LARGE1: variants seen among roughly 807,000 people sequenced by gnomAD.
LARGE1 encodes LARGE xylosyl- and glucuronyltransferase 1.
In LARGE1, 43 loss-of-function variants were observed where a neutral mutation model predicts 87.6. The ratio of observed to expected loss-of-function variants is 0.49; its 90% CI spans 0.38 to 0.63. The LOEUF (loss-of-function observed/expected upper bound fraction) is 0.63, where lower values mean the gene tolerates loss of function less well. Ranked by LOEUF, LARGE1 falls within the 30% of genes least tolerant of loss-of-function variation. The pLI is 0.00. For synonymous variants in LARGE1, 434 were observed against 394.6 expected, an observed-to-expected ratio of 1.10 and a Z score of -1.18; for missense variants, 802 against 1,000.2, an observed-to-expected ratio of 0.80 and a Z score of 2.67.
rs2147722528 is a variant in LARGE1 at position 33,432,213 on chromosome 22, G to A, written c.840C>T (p.Asn280=). 6.2e-7 allele frequency: 1 copy of A among 1,614,162 alleles called. No homozygotes were observed. The highest frequency in any genetic ancestry group is 1.1e-5 in the South Asian group (1 of 91,084). Residue 280 remains asparagine, a synonymous_variant, in exon 7 of 15, where the codon AAC becomes AAT. Transcript: ENST00000397394. The part of the protein sequence containing the change: ...VENQSDWYLG[N]LWKNHRPWPA... ...GCCATGGGCGGTGATTTTTCCACAG[G>A]TTTCCAAGGTACCAGTCACTCTGGT...
intron 2 of LARGE1, among the ~76,000 whole-genome samples, chr22:33,728,400 A>ATTTTTGTAATC (rs2083337375): frequency 6.6e-6 from 1 of 151,758 alleles, no homozygotes; most frequent in Non-Finnish European, 1.5e-5. Flanking sequence ...TTAGCCAGGC[A>ATTTTTGTAATC]CGGGGGTGCA....
chr22:33,147,091 T>C, the LARGE1 span, among the ~76,000 whole-genome samples: 1 of 152,226 alleles, frequency 6.6e-6, no homozygotes, highest in African/African-American at 2.4e-5. Flanking sequence ...TATTTCATTG[T>C]ATGGAGATGT....
At chr22:33,908,381 C>A (rs2065519870) in intron 1 of LARGE1, among the ~76,000 whole-genome samples, 1 of 152,088 alleles carries the variant, frequency 6.6e-6, no homozygotes, top group Admixed American at 6.6e-5. Context: ...GCAGGACTAC[C>A]TGAGCTGGGT....
At chr22:33,712,836 T>C (rs1211677182) in intron 2 of LARGE1, among the ~76,000 whole-genome samples, 2 of 152,290 alleles carry the variant, frequency 1.3e-5, no homozygotes, top group East Asian at 1.9e-4. Context: ...ATTTAAATTA[T>C]GTTTCCATGG....
chr22:33,330,635 T>G (rs1442372524), intron 10 of LARGE1, among the ~76,000 whole-genome samples: 1 of 152,142 alleles, frequency 6.6e-6, no homozygotes, highest in Non-Finnish European at 1.5e-5. Flanking sequence ...CATAAAGAAT[T>G]TACAAGTTCC....
At chr22:33,876,094 T>G (rs1005321217) in intron 1 of LARGE1, among the ~76,000 whole-genome samples, 3 of 152,200 alleles carry the variant, frequency 2.0e-5, no homozygotes, top group Non-Finnish European at 4.4e-5. Context: ...GCATGTAATT[T>G]CTGTGTCTGA....
intron 1 of LARGE1, among the ~76,000 whole-genome samples, chr22:33,794,090 T>A (rs540004541): frequency 8.5e-5 from 13 of 152,276 alleles, no homozygotes; most frequent in African/African-American, 3.1e-4. Context: ...TTATGCTAGA[T>A]GGGATGCCCA....
At chr22:33,335,064 AC>A (rs1397657629) in intron 10 of LARGE1, among the ~76,000 whole-genome samples, 1 of 152,220 alleles carries the variant, frequency 6.6e-6, no homozygotes, top group African/African-American at 2.4e-5. Flanking sequence ...CAAATGATTA[AC>A]TGACGGCTTC....
chr22:33,251,337 C>G (rs1927002296), intron 11 of LARGE1, among the ~76,000 whole-genome samples: 1 of 152,140 alleles, frequency 6.6e-6, no homozygotes. Flanking sequence ...TGAAACACAC[C>G]TGTACTTAAC....
intron 1 of LARGE1, among the ~76,000 whole-genome samples, chr22:33,871,430 C>T (rs1021912868): frequency 6.6e-6 from 1 of 152,186 alleles, no homozygotes; most frequent in Admixed American, 6.5e-5. Context: ...CTGCCAGGTG[C>T]TCCATCTGGA....
chr22:33,387,556 A>G (rs376918301), intron 7 of LARGE1, among the ~76,000 whole-genome samples: 29 of 152,056 alleles, frequency 1.9e-4, no homozygotes, highest in Middle Eastern at 3.4e-3. Context: ...ACTAGAAACA[A>G]TGATGAAATA....
chr22:33,251,566 A>C (rs1484311147), intron 11 of LARGE1, among the ~76,000 whole-genome samples: 2 of 152,212 alleles, frequency 1.3e-5, no homozygotes, highest in Non-Finnish European at 2.9e-5. Flanking sequence ...AGATGTGTTA[A>C]ACTTATCAAT....
At chr22:33,306,210 A>G (rs1369682200) in intron 11 of LARGE1, among the ~76,000 whole-genome samples, 4 of 152,142 alleles carry the variant, frequency 2.6e-5, no homozygotes, top group Non-Finnish European at 4.4e-5. Context: ...ACTTTGTACT[A>G]GACTTCTGCT....
chr22:33,137,896 T>C, the LARGE1 span, among the ~76,000 whole-genome samples: 64,103 of 151,968 alleles, frequency 0.42, 13,956 homozygotes, highest in South Asian at 0.68. Flanking sequence ...GCTGTAGGGG[T>C]GGGGTCCTCA....
At chr22:33,321,598 T>C (rs16992133) in intron 10 of LARGE1, among the ~76,000 whole-genome samples, 7,437 of 152,266 alleles carry the variant, frequency 0.049, 322 homozygotes, top group African/African-American at 0.13. Context: ...TGTTTTAATA[T>C]GCTCAGAAGA....
In LARGE1 at chr22:33,867,901, G is replaced by A. The variant is rs374657324; in HGVS notation, c.-83+52094C>T. On this transcript the variant is annotated intron_variant, in intron 1 of 14. Coordinates refer to ENST00000397394, the MANE Select transcript of LARGE1 (RefSeq NM_133642.5). ...GACAAGAAGAGGAGATGCAGCTCAAGTACCAGTTCGGTCACTATCTATCGG... is the reference window on the plus strand; with the variant it reads ...GACAAGAAGAGGAGATGCAGCTCAAATACCAGTTCGGTCACTATCTATCGG... Among the ~76,000 whole-genome samples, 32 of 152,252 alleles carry A rather than the reference G, an allele frequency of 2.1e-4. No homozygotes were observed. In the South Asian group the frequency reaches 6.6e-3, roughly 32 times the overall value.
At chr22:33,175,346 GAA>G (rs941698796) in intron 11 of LARGE1, among the ~76,000 whole-genome samples, 1 of 152,114 alleles carries the variant, frequency 6.6e-6, no homozygotes, top group Non-Finnish European at 1.5e-5. Context: ...ATTCAAATAG[GAA>G]AAGAGGAACT....
At chr22:33,761,818 T>C (rs2084742751) in intron 1 of LARGE1, among the ~76,000 whole-genome samples, 1 of 151,970 alleles carries the variant, frequency 6.6e-6, no homozygotes, top group African/African-American at 2.4e-5. Flanking sequence ...ACACGCACAA[T>C]TTATAGTATA....
chr22:33,072,990 T>C, the LARGE1 span, among the ~76,000 whole-genome samples: 1 of 152,182 alleles, frequency 6.6e-6, no homozygotes, highest in African/African-American at 2.4e-5. Context: ...AACCAGTTTT[T>C]CCTGCGGCCG....
Sources: allele counts gnomAD v4.1 joint callset (sites outside exome capture counted in the v4.1 genomes callset), GRCh38; gene constraint gnomAD v4.1.1; transcripts MANE v1.5; gene names NCBI Gene and HGNC (gene_info 2026-07-23, HGNC 2026-07-21).